Variants in UBASH3B observed in about 807,000 individuals in gnomAD.
UBASH3B encodes the protein ubiquitin-associated and SH3 domain-containing protein B.
In UBASH3B, 37 loss-of-function variants were observed where a neutral mutation model predicts 83.4. That is an observed-to-expected ratio of 0.44 (90% confidence interval 0.34 to 0.58). UBASH3B has a LOEUF of 0.58. Among genes scored for constraint, UBASH3B ranks in the 20% least tolerant of loss-of-function variants. The pLI, the probability that UBASH3B is intolerant of heterozygous loss-of-function variation, is 0.01. For synonymous variants in UBASH3B, 304 were observed against 318.3 expected (o/e 0.96, Z 0.48); for missense variants, 657 against 827.2 (o/e 0.79, Z 2.52).
At chr11:122,793,842 G>T (rs1565568355) in intron 6 of UBASH3B, among the ~76,000 whole-genome samples, 1 of 152,166 alleles carries the variant, frequency 6.6e-6, no homozygotes, top group African/African-American at 2.4e-5. Flanking sequence ...TGTTGGAGGC[G>T]TGATTGAGGG....
chr11:122,737,386 G>T (rs1426542367), intron 1 of UBASH3B, among the ~76,000 whole-genome samples: 4 of 152,132 alleles, frequency 2.6e-5, no homozygotes, highest in Admixed American at 6.5e-5. Context: ...AAGAAATTTA[G>T]GAGGCACACA....
intron 6 of UBASH3B, 147 bp downstream of exon 6, chr11:122,789,455 A>G: frequency 1.2e-6 from 1 of 867,084 alleles, no homozygotes; most frequent in Non-Finnish European, 1.8e-6. Flanking sequence ...GATTTGAGGC[A>G]TGGGGAAAAT....
At chr11:122,656,291 A>C (rs2135884933) in intron 1 of UBASH3B, 81 bp downstream of exon 1, 1 of 1,258,156 alleles carries the variant, frequency 7.9e-7, no homozygotes, top group Non-Finnish European at 1.0e-6. Flanking sequence ...CTCGCCTCCC[A>C]GCGCCTGCGG....
intron 1 of UBASH3B, among the ~76,000 whole-genome samples, chr11:122,725,093 T>C (rs147421120): frequency 0.13 from 14,482 of 111,830 alleles, 827 homozygotes; most frequent in Non-Finnish European, 0.14. Flanking sequence ...CCTCAGCCTC[T>C]CGAGTAGCCA....
chr11:122,715,135 C>T (rs935264832), intron 1 of UBASH3B, among the ~76,000 whole-genome samples: 10 of 152,078 alleles, frequency 6.6e-5, no homozygotes, highest in East Asian at 3.9e-4. Context: ...TTAGTAGAGA[C>T]GGGGTTTCAC....
intron 1 of UBASH3B, among the ~76,000 whole-genome samples, chr11:122,716,339 AT>A (rs1420752484): frequency 6.6e-6 from 1 of 152,076 alleles, no homozygotes; most frequent in Non-Finnish European, 1.5e-5. Context: ...TGCCCAGCTA[AT>A]TTTTTTGTAT....
intron 1 of UBASH3B, among the ~76,000 whole-genome samples, chr11:122,763,125 G>A (rs1860473774): frequency 6.6e-6 from 1 of 152,144 alleles, no homozygotes; most frequent in African/African-American, 2.4e-5. Context: ...GGTCCCTCCT[G>A]TGCCCCTGTG....
chr11:122,813,220 A>AT lies in UBASH3B; in HGVS notation c.*3336dup, dbSNP rs560801567. The AT allele has an allele frequency of 3.3e-5, 5 of 152,364 alleles. No individual in the cohort carries two copies. The South Asian group carries it at 1.0e-3, about 32-fold the overall frequency. The allele number at this position is 152,364 out of a possible 1,614,324, so 9.4% of individuals were successfully genotyped here. On this transcript the variant is annotated 3_prime_UTR_variant, in exon 14 of 14. Transcript: ENST00000284273. The stretch of plus-strand genomic sequence containing the variant: ...AGATTGTCTTGTCATTGTGCTTAAC[A>AT]TTACCATAAGTGTGTCTTTTCCACT...
chr11:122,773,792 C>T (rs746959720), intron 1 of UBASH3B, among the ~76,000 whole-genome samples: 3 of 152,128 alleles, frequency 2.0e-5, no homozygotes, highest in Non-Finnish European at 4.4e-5. Context: ...TTAATTAGAT[C>T]TTTCATTTCC....
chr11:122,759,486 A>G lies in UBASH3B; in HGVS notation c.162-16733A>G, dbSNP rs1861334872. Among the ~76,000 whole-genome samples the G allele has an allele frequency of 6.6e-6, 1 of 152,220 alleles. No homozygotes were observed. Among genetic ancestry groups the G allele is most frequent in the African/African-American group, 2.4e-5 (1 of 41,460 alleles). ...TATTATTATTACATTGTAATATATA[A>G]TGAAATAGTGATACAACCAACTCAC... On this transcript the variant is annotated intron_variant, in intron 1 of 13. Coordinates refer to ENST00000284273, the MANE Select transcript of UBASH3B (RefSeq NM_032873.5). This position sits in a 1 kb window ranked among gnomAD's most constrained non-coding sequence, Gnocchi z 4.1.
intron 1 of UBASH3B, among the ~76,000 whole-genome samples, chr11:122,682,336 C>T (rs1253807423): frequency 6.6e-6 from 1 of 152,196 alleles, no homozygotes; most frequent in Non-Finnish European, 1.5e-5. Flanking sequence ...ATCTCATCCT[C>T]GTGGCAGTTA....
At chr11:122,746,471 G>A (rs923108820) in intron 1 of UBASH3B, among the ~76,000 whole-genome samples, 1 of 152,194 alleles carries the variant, frequency 6.6e-6, no homozygotes, top group Non-Finnish European at 1.5e-5. Context: ...ACAAGAAAGC[G>A]TCACTTCATT....
At chr11:122,677,717 C>T (rs971003106) in intron 1 of UBASH3B, among the ~76,000 whole-genome samples, 1 of 152,096 alleles carries the variant, frequency 6.6e-6, no homozygotes, top group African/African-American at 2.4e-5. Flanking sequence ...TGCCATTGCA[C>T]TCCAGCATGG....
rs114730360 is a variant in UBASH3B, at chr11:122,751,102, G to A, written c.162-25117G>A. Among the ~76,000 whole-genome samples the A allele has an allele frequency of 7.5e-3, 567 of 75,790 alleles. 4 individuals are homozygous for A. Among genetic ancestry groups the A allele is most frequent in the African/African-American group, 0.017 (533 of 31,478 alleles). The allele number at this position is 75,790 out of a possible 152,430, so 49.7% of individuals were successfully genotyped here. ...CTGGGTTTTGGGCCATGTTGTTTAC[G>A]CTTCCCGGCCTCTCATGTTTTGGGA... On this transcript the variant is annotated intron_variant, in intron 1 of 13. Coordinates refer to ENST00000284273, the MANE Select transcript of UBASH3B (RefSeq NM_032873.5).
intron 1 of UBASH3B, among the ~76,000 whole-genome samples, chr11:122,679,201 G>A (rs1026411339): frequency 6.6e-6 from 1 of 152,234 alleles, no homozygotes; most frequent in Non-Finnish European, 1.5e-5. Context: ...GTGGGGCGAG[G>A]AGGGGATAGT....
chr11:122,712,730 A>G (rs1453042884), intron 1 of UBASH3B, among the ~76,000 whole-genome samples: 14 of 151,964 alleles, frequency 9.2e-5, no homozygotes, highest in Non-Finnish European at 2.1e-4. Flanking sequence ...AACGCCCTGA[A>G]GTATATAGAA....
chr11:122,772,019 A>G (rs1860653831), intron 1 of UBASH3B, among the ~76,000 whole-genome samples: 1 of 152,198 alleles, frequency 6.6e-6, no homozygotes, highest in Non-Finnish European at 1.5e-5. Context: ...GCCCAGTCTG[A>G]TATTGTGAAC....
chr11:122,782,994 C>T, intron 4 of UBASH3B, 59 bp from the exon 5 acceptor site: 2 of 1,558,330 alleles, frequency 1.3e-6, no homozygotes, highest in Non-Finnish European at 1.7e-6. Flanking sequence ...TTCCTTAAGT[C>T]TTCACCATTG....
At chr11:122,747,286 G>A (rs999413100) in intron 1 of UBASH3B, among the ~76,000 whole-genome samples, 10 of 152,214 alleles carry the variant, frequency 6.6e-5, no homozygotes, top group South Asian at 4.1e-4. Context: ...CCCTAAAATC[G>A]TCTTAGCAAG....
Sources: allele counts gnomAD v4.1 joint callset (sites outside exome capture counted in the v4.1 genomes callset), GRCh38; gene constraint gnomAD v4.1.1; non-coding constraint Gnocchi (gnomAD v3.1); transcripts MANE v1.5; gene names NCBI Gene and HGNC (gene_info 2026-07-23, HGNC 2026-07-21).